Variants in TMCO6 observed in about 807,000 individuals in gnomAD.
TMCO6 encodes transmembrane and coiled-coil domain-containing protein 6.
Under a neutral mutation model 61.8 loss-of-function variants are expected in TMCO6, and 47 were observed. That is an observed-to-expected ratio of 0.76 (90% CI 0.60 to 0.97). The LOEUF is 0.97. Ranked by LOEUF, TMCO6 falls within the 50% of genes least tolerant of loss-of-function variation. TMCO6 has a pLI of 0.00. For synonymous variants in TMCO6, 261 were observed against 254.2 expected (o/e 1.03, Z -0.25); for missense variants, 557 against 601.6 (o/e 0.93, Z 0.78).
chr5:140,622,297 C>T, the TMCO6 span, among the ~76,000 whole-genome samples: 8 of 152,134 alleles, frequency 5.3e-5, no homozygotes, highest in African/African-American at 1.9e-4. Flanking sequence ...AATATCGGGG[C>T]AGATTCCCCG....
chr5:140,645,003 C>T lies in TMCO6; in HGVS notation c.1387C>T (p.Gln463Ter). Residue 463 changes from glutamine (Q) to a stop codon, truncating the protein, a stop_gained, in exon 12 of 12, where the codon CAG becomes TAG. Coordinates refer to ENST00000394671, the MANE Select transcript of TMCO6 (RefSeq NM_018502.5). LOFTEE classifies it high-confidence loss of function. Reference sequence around the variant, plus strand: ...CCCCTAGGCTGTTCAGGTCTTCCTGCAGCAGTCAGGGCTGCAAGCCCTGGA... The same window carrying T: ...CCCCTAGGCTGTTCAGGTCTTCCTGTAGCAGTCAGGGCTGCAAGCCCTGGA... ...YQPEAVQVFL[Q>*]QSGLQALERH... The T allele has an allele frequency of 6.2e-7, 1 of 1,614,188 alleles. No individual in the cohort carries two copies.
rs964942826 is a variant in TMCO6, at chr5:140,639,595, G to C, written c.68G>C (p.Arg23Pro). The C allele has an allele frequency of 2.6e-6, 4 of 1,543,848 alleles. No individual in the cohort carries two copies. Among genetic ancestry groups the C allele is most frequent in the Non-Finnish European group, 3.5e-6 (4 of 1,143,600 alleles). Residue 23 changes from arginine (R) to proline (P), a missense_variant, in exon 1 of 12, where the codon CGG (arginine) becomes CCG (proline). Arg to Pro is a moderately radical substitution (Grantham distance 103, BLOSUM62 -2). Coordinates refer to ENST00000394671, the MANE Select transcript of TMCO6 (RefSeq NM_018502.5). ...VCGVEELRRR[R>P]REREAALRKA... ...GGGGTGGAGGAGCTACGGCGCCGCCGGCGGGAGCGGGAGGCAGGTGTGGGC... is the reference window on the plus strand; with the variant it reads ...GGGGTGGAGGAGCTACGGCGCCGCCCGCGGGAGCGGGAGGCAGGTGTGGGC...
At chr5:140,626,004 A>G in the TMCO6 span, among the ~76,000 whole-genome samples, 1 of 152,122 alleles carries the variant, frequency 6.6e-6, no homozygotes, top group African/African-American at 2.4e-5. Context: ...ATGTTGACTG[A>G]TGATTCCCAG....
chr5:140,621,365 T>C, the TMCO6 span, among the ~76,000 whole-genome samples: 1 of 152,250 alleles, frequency 6.6e-6, no homozygotes, highest in Admixed American at 6.5e-5. Flanking sequence ...TATAATTTCT[T>C]ATGCCTGTCT....
the TMCO6 span, among the ~76,000 whole-genome samples, chr5:140,631,057 T>A: frequency 6.6e-6 from 1 of 152,228 alleles, no homozygotes; most frequent in African/African-American, 2.4e-5. Context: ...GATGCTTTCC[T>A]ATTTGCCAAT....
At chr5:140,633,468 A>G in the TMCO6 span, 1 of 399,356 alleles carries the variant, frequency 2.5e-6, no homozygotes, top group African/African-American at 2.1e-5. Flanking sequence ...TGGGAAAAGG[A>G]TGATCCTCAG....
the TMCO6 span, among the ~76,000 whole-genome samples, chr5:140,615,607 G>A: frequency 1.4e-4 from 21 of 152,126 alleles, 1 homozygote; most frequent in African/African-American, 5.1e-4. Flanking sequence ...CATAGACCAA[G>A]GAATAGAATA....
chr5:140,621,877 G>A, the TMCO6 span, among the ~76,000 whole-genome samples: 1 of 152,124 alleles, frequency 6.6e-6, no homozygotes, highest in Admixed American at 6.5e-5. Flanking sequence ...GGCTTATTAG[G>A]AAGAGGAAAT....
At chr5:140,647,585 C>T, downstream of TMCO6, 1 of 1,609,670 alleles carries the variant, frequency 6.2e-7, no homozygotes. Context: ...CGCCGCCATC[C>T]TTGTTAATAT....
the TMCO6 span, among the ~76,000 whole-genome samples, chr5:140,607,839 G>C: frequency 6.6e-6 from 1 of 150,426 alleles, no homozygotes; most frequent in African/African-American, 2.4e-5. Context: ...GCCCAGGCTG[G>C]AGTGCAATGG....
chr5:140,625,605 G>A, the TMCO6 span, among the ~76,000 whole-genome samples: 1 of 152,094 alleles, frequency 6.6e-6, no homozygotes, highest in Non-Finnish European at 1.5e-5. Context: ...TTTCCCCACA[G>A]CACTTACCAT....
In TMCO6 at chr5:140,641,654, C is replaced by T. The variant is rs373155284; in HGVS notation, c.199-11C>T. ...AACCGTGTGTTCTCCTTTCCCTGCC[C>T]TGAACTCCAGGTGCAGCAGTTCCTG... is the stretch of plus-strand genomic sequence containing the variant. On this transcript the variant is annotated splice_polypyrimidine_tract_variant and intron_variant, in intron 2 of 11. Coordinates refer to ENST00000394671, the MANE Select transcript of TMCO6 (RefSeq NM_018502.5). 3.5e-5 allele frequency: 56 copies of T among 1,611,914 alleles called. No homozygotes were observed. The South Asian group carries it at 5.7e-4, about 16-fold the overall frequency.
chr5:140,647,415 C>T (rs1265878491), downstream of TMCO6: 28 of 1,611,260 alleles, frequency 1.7e-5, no homozygotes, highest in Non-Finnish European at 2.3e-5. Context: ...CTTCCCTCAA[C>T]TTCAGGGAGG....
At chr5:140,626,454 G>A in the TMCO6 span, among the ~76,000 whole-genome samples, 7 of 151,928 alleles carry the variant, frequency 4.6e-5, no homozygotes, top group Non-Finnish European at 1.0e-4. Flanking sequence ...TGGCTGGAGT[G>A]CAGTGGCATG....
the TMCO6 span, among the ~76,000 whole-genome samples, chr5:140,614,362 G>T: frequency 6.6e-6 from 1 of 151,992 alleles, no homozygotes; most frequent in Non-Finnish European, 1.5e-5. Context: ...TACAGAATTA[G>T]CTGGGCGTGG....
At chr5:140,611,785 T>C in the TMCO6 span, among the ~76,000 whole-genome samples, 1 of 152,192 alleles carries the variant, frequency 6.6e-6, no homozygotes, top group Non-Finnish European at 1.5e-5. Context: ...TTTCTTAAAC[T>C]TAACCACAAG....
the TMCO6 span, among the ~76,000 whole-genome samples, chr5:140,616,038 A>T: frequency 6.6e-6 from 1 of 152,154 alleles, no homozygotes; most frequent in East Asian, 1.9e-4. Flanking sequence ...AGGCTGAGGC[A>T]GGAGAATCAC....
At chr5:140,633,525 C>T in the TMCO6 span, 1 of 230,650 alleles carries the variant, frequency 4.3e-6, no homozygotes, top group Non-Finnish European at 8.8e-6. Context: ...CCCCCAATCC[C>T]CCTACCTTAT....
the TMCO6 span, among the ~76,000 whole-genome samples, chr5:140,628,436 CT>C: frequency 6.6e-6 from 1 of 151,670 alleles, no homozygotes; most frequent in East Asian, 1.9e-4. Context: ...TACGGCTTTT[CT>C]TTTCTTTTCT....
Sources: gnomAD v4.1 joint callset for allele counts (sites outside exome capture counted in the v4.1 genomes callset) on GRCh38, gnomAD v4.1.1 for gene constraint, MANE v1.5 for transcripts, NCBI Gene and HGNC (gene_info 2026-07-23, HGNC 2026-07-21) for gene names.